The following OR8B8 variants were observed in gnomAD, a reference collection of about 807,000 sequenced individuals.
OR8B8 encodes the protein olfactory receptor 8B8.
Under a neutral mutation model 10.5 loss-of-function variants are expected in OR8B8, and 8 were observed. The observed-to-expected ratio is 0.76, with a 90% CI of 0.45 to 1.38. OR8B8 has a LOEUF of 1.38. OR8B8 is among the 40% of genes most tolerant of loss of function. The pLI is 0.00. For synonymous variants in OR8B8, 150 were observed against 145.2 expected (o/e 1.03, Z -0.24); for missense variants, 390 against 380.5 (o/e 1.03, Z -0.21).
intron 1 of OR8B8, among the ~76,000 whole-genome samples, chr11:124,443,383 G>C (rs1438452180): frequency 6.6e-6 from 1 of 152,154 alleles, no homozygotes; most frequent in African/African-American, 2.4e-5. Context: ...ATATGAGAGT[G>C]ACATGGTCAG....
At position 124,440,851 on chromosome 11, in the gene OR8B8, G is replaced by T; in HGVS notation, c.235C>A (p.Pro79Thr). The change falls in exon 3 of 3, where the codon CCC becomes ACC. Residue 79 changes from proline (P) to threonine (T), a missense_variant. Physicochemically the swap from Pro to Thr is conservative, Grantham distance 38. Coordinates refer to ENST00000642064, the MANE Select transcript of OR8B8 (RefSeq NM_012378.2). The stretch of plus-strand genomic sequence containing the variant: ...AAGACAAAGCTCATCAGCATTTTGG[G>T]AGTGATAACACTGGAATAGCAGAAA... ...IDFCYSSVITPKMLMSFVLKK... is the reference protein window; with the variant it reads ...IDFCYSSVITTKMLMSFVLKK... 1 of 1,614,070 alleles carries T rather than the reference G, an allele frequency of 6.2e-7. No homozygotes were observed. The highest frequency in any genetic ancestry group is 8.5e-7 in the Non-Finnish European group (1 of 1,179,924).
chr11:124,442,708 A>T (rs1199230884), intron 1 of OR8B8, among the ~76,000 whole-genome samples: 2 of 151,896 alleles, frequency 1.3e-5, no homozygotes, highest in African/African-American at 4.8e-5. Flanking sequence ...TTCCCACGGG[A>T]TATTTGCTTT....
rs150313828 is a variant in OR8B8 at position 124,445,268 on chromosome 11, G to T, written c.-153+308C>A. Among the ~76,000 whole-genome samples, 3 of 152,242 alleles carry T rather than the reference G, an allele frequency of 2.0e-5. No individual in the cohort carries two copies. In the East Asian group the frequency reaches 5.8e-4, roughly 29 times the overall value. ...AGCACACAGTCTACTACAACTTGCT[G>T]GGGACAATCCACATTCTTCACCCTC... is the stretch of plus-strand genomic sequence containing the variant. On this transcript the variant is annotated intron_variant, in intron 1 of 2. Transcript: ENST00000642064.
At position 124,440,585 on chromosome 11, in the gene OR8B8, G is replaced by A. The variant is rs753461212; in HGVS notation, c.501C>T (p.Thr167=). 3.7e-6 allele frequency: 6 copies of A among 1,614,170 alleles called. No homozygotes were observed. Among genetic ancestry groups the A allele is most frequent in the South Asian group, 2.2e-5 (2 of 91,076 alleles). ...MAHTACMMGV[T]FCANNLVNHY... ...GGTTGACAAGGTTATTGGCACAGAA[G>A]GTCACACCCATCATGCACGCTGTGT... The change falls in exon 3 of 3, where the codon ACC becomes ACT. Residue 167 remains threonine, a synonymous_variant. Transcript: ENST00000642064.
chr11:124,440,663 A>G lies in OR8B8; in HGVS notation c.423T>C (p.Cys141=), dbSNP rs1217724807. Reference sequence around the variant, plus strand: ...CATAGACACCCAACAAAAGGAGAAAACACACCTGGGGAGACATGGTGACCA... The same window carrying G: ...CATAGACACCCAACAAAAGGAGAAAGCACACCTGGGGAGACATGGTGACCA... ...LYMVTMSPQV[C]FLLLLGVYGM... is the part of the protein sequence containing the mutation. The change falls in exon 3 of 3, where the codon TGT becomes TGC. Residue 141 remains cysteine (C), a synonymous_variant. Coordinates refer to ENST00000642064, the MANE Select transcript of OR8B8 (RefSeq NM_012378.2). 6.2e-7 allele frequency: 1 copy of G among 1,614,114 alleles called. No individual in the cohort carries two copies. The highest frequency in any genetic ancestry group is 8.5e-7 in the Non-Finnish European group (1 of 1,180,022).
rs1055955771 is a variant in OR8B8, at chr11:124,438,789, G to A, written c.*1361C>T. 16 of 152,216 alleles carry A rather than the reference G, an allele frequency of 1.1e-4. No individual in the cohort carries two copies. Among genetic ancestry groups the A allele is most frequent in the Admixed American group, 2.0e-4 (3 of 15,286 alleles). The allele number at this position is 152,216 out of a possible 1,614,324, so 9.4% of individuals were successfully genotyped here. A position where few individuals can be genotyped will look rare whatever the true frequency, so the allele number is the denominator to read the frequency against. On this transcript the variant is annotated 3_prime_UTR_variant, in exon 3 of 3. Transcript: ENST00000642064. The stretch of plus-strand genomic sequence containing the variant: ...TTATCACTCCTTGGCATGAAGAGAC[G>A]AGGGAGGGGGCAGTTATTATAACCC...
chr11:124,441,168 C>A, intron 2 of OR8B8, 67 bp from the exon 3 acceptor site: 1 of 1,021,230 alleles, frequency 9.8e-7, no homozygotes, highest in African/African-American at 1.6e-5. Context: ...CCAGTCATCC[C>A]TCCTTCCTTC....
chr11:124,440,352 A>T lies in OR8B8; in HGVS notation c.734T>A (p.Ile245Lys). Residue 245 changes from isoleucine (I) to lysine (K), a missense_variant, in exon 3 of 3, where the codon ATA (isoleucine) becomes AAA (lysine). Coordinates refer to ENST00000642064, the MANE Select transcript of OR8B8 (RefSeq NM_012378.2). Reference sequence around the variant, plus strand: ...CCCAAAGAACAGAGAAACTGCAATTATGTGGGAGCTGCAGGTGCTGAAGGC... The same window carrying T: ...CCCAAAGAACAGAGAAACTGCAATTTTGTGGGAGCTGCAGGTGCTGAAGGC... Reference protein sequence around the residue: ...SKAFSTCSSHIIAVSLFFGSG... With the variant: ...SKAFSTCSSHKIAVSLFFGSG... 4.3e-6 allele frequency: 7 copies of T among 1,614,218 alleles called. No homozygotes were observed. Among genetic ancestry groups the T allele is most frequent in the Non-Finnish European group, 5.1e-6 (6 of 1,180,034 alleles).
rs140467802 is a variant in OR8B8, at chr11:124,440,374, A to T, written c.712T>A (p.Phe238Ile). 216 of 1,614,196 alleles carry T rather than the reference A, an allele frequency of 1.3e-4. No individual in the cohort carries two copies. The African/African-American group carries it at 2.4e-3, about 18-fold the overall frequency. ...ATTATGTGGGAGCTGCAGGTGCTGA[A>T]GGCTTTGGACCTGCCCTCCGTGGAA... ...IDSTEGRSKA[F>I]STCSSHIIAV... The change falls in exon 3 of 3, where the codon TTC becomes ATC. Residue 238 changes from phenylalanine (F) to isoleucine (I), a missense_variant. Coordinates refer to ENST00000642064, the MANE Select transcript of OR8B8 (RefSeq NM_012378.2).
Position 124,440,398 on chromosome 11 carries a change from A to G in OR8B8, c.688T>C (p.Ser230Pro). The part of the protein sequence containing the change: ...LILSSIFHID[S>P]TEGRSKAFST... ...AAGGCTTTGGACCTGCCCTCCGTGG[A>G]ATCAATGTGGAAGATGCTGGAGAGA... The change falls in exon 3 of 3, where the codon TCC becomes CCC. Residue 230 changes from serine (S) to proline (P), a missense_variant. Coordinates refer to ENST00000642064, the MANE Select transcript of OR8B8 (RefSeq NM_012378.2). The G allele has an allele frequency of 6.2e-7, 1 of 1,614,222 alleles. No homozygotes were observed.
At position 124,437,885 on chromosome 11, in the gene OR8B8, A is replaced by G. The variant is rs1861422790; in HGVS notation, c.*2265T>C. On this transcript the variant is annotated 3_prime_UTR_variant, in exon 3 of 3. Transcript: ENST00000642064. ...CTATAGCAAATGTATTATCTGGTCAATATATAAATAAATATATCTTGTAAA... is the reference window on the plus strand; with the variant it reads ...CTATAGCAAATGTATTATCTGGTCAGTATATAAATAAATATATCTTGTAAA... 1.3e-5 allele frequency: 2 copies of G among 152,302 alleles called. No homozygotes were observed. The highest frequency in any genetic ancestry group is 4.1e-4 in the South Asian group (2 of 4,826). The allele number at this position is 152,302 out of a possible 1,614,324, so 9.4% of individuals were successfully genotyped here. A position where few individuals can be genotyped will look rare whatever the true frequency, so the allele number is the denominator to read the frequency against.
Position 124,438,108 on chromosome 11 carries a change from A to C in OR8B8, c.*2042T>G, listed in dbSNP as rs1861424656. 1.3e-5 allele frequency: 2 copies of C among 152,064 alleles called. No individual in the cohort carries two copies. Among genetic ancestry groups the C allele is most frequent in the Admixed American group, 1.3e-4 (2 of 15,284 alleles). 9.4% of individuals were successfully genotyped at this position (152,064 alleles called of 1,614,324 possible). A position where few individuals can be genotyped will look rare whatever the true frequency, so the allele number is the denominator to read the frequency against. The stretch of plus-strand genomic sequence containing the variant: ...AATTCACTTAATACCTCTGAGAAAA[A>C]CGTTTTTAAAGATGAAGAAATTGAT... On this transcript the variant is annotated 3_prime_UTR_variant, in exon 3 of 3. Transcript: ENST00000642064.
intron 1 of OR8B8, among the ~76,000 whole-genome samples, chr11:124,443,324 C>T (rs932952222): frequency 2.0e-5 from 3 of 152,122 alleles, no homozygotes; most frequent in South Asian, 2.1e-4. Flanking sequence ...GAGACTTGAA[C>T]GTCATGACAG....
In OR8B8 at chr11:124,440,967, A is replaced by G. The variant is rs1365959729; in HGVS notation, c.119T>C (p.Val40Ala). 1 of 1,613,926 alleles carries G rather than the reference A, an allele frequency of 6.2e-7. No homozygotes were observed. Among genetic ancestry groups the G allele is most frequent in the African/African-American group, 1.3e-5 (1 of 74,884 alleles). ...LFLGFYVVTV[V>A]GNLGLITLIR... Reference sequence around the variant, plus strand: ...CAGGGTTATCAAGCCCAGGTTCCCCACCACAGTGACCACGTAGAAGCCTAG... The same window carrying G: ...CAGGGTTATCAAGCCCAGGTTCCCCGCCACAGTGACCACGTAGAAGCCTAG... Residue 40 changes from valine (V) to alanine (A), a missense_variant, in exon 3 of 3, where the codon GTG becomes GCG. Coordinates refer to ENST00000642064, the MANE Select transcript of OR8B8 (RefSeq NM_012378.2).
rs1042893243 is a variant in OR8B8, at chr11:124,438,777, G to C, written c.*1373C>G. 1 of 152,206 alleles carries C rather than the reference G, an allele frequency of 6.6e-6. No homozygotes were observed. The highest frequency in any genetic ancestry group is 1.5e-5 in the Non-Finnish European group (1 of 68,034). The allele number at this position is 152,206 out of a possible 1,614,324, so 9.4% of individuals were successfully genotyped here. On this transcript the variant is annotated 3_prime_UTR_variant, in exon 3 of 3. Coordinates refer to ENST00000642064, the MANE Select transcript of OR8B8 (RefSeq NM_012378.2). ...AGCAGGGAGACATTATCACTCCTTGGCATGAAGAGACGAGGGAGGGGGCAG... is the reference window on the plus strand; with the variant it reads ...AGCAGGGAGACATTATCACTCCTTGCCATGAAGAGACGAGGGAGGGGGCAG...
At chr11:124,444,630 A>T (rs758647866) in intron 1 of OR8B8, among the ~76,000 whole-genome samples, 6 of 152,196 alleles carry the variant, frequency 3.9e-5, no homozygotes, top group Non-Finnish European at 5.9e-5. Context: ...CAATCTCCTC[A>T]TCTATAAAAT....
rs1488747185 is a variant in OR8B8, at chr11:124,437,748, A to T, written c.*2402T>A. The T allele has an allele frequency of 6.6e-6, 1 of 151,714 alleles. No homozygotes were observed. Among genetic ancestry groups the T allele is most frequent in the East Asian group, 1.9e-4 (1 of 5,152 alleles). 9.4% of individuals were successfully genotyped at this position (151,714 alleles called of 1,614,324 possible). On this transcript the variant is annotated 3_prime_UTR_variant, in exon 3 of 3. Transcript: ENST00000642064. ...TCAGGACTCTTTTATAAGGACACTA[A>T]CCTCATTCATGAGGGCCCCACCCTC...
At position 124,439,838 on chromosome 11, in the gene OR8B8, G is replaced by A. The variant is rs538772664; in HGVS notation, c.*312C>T. Reference sequence around the variant, plus strand: ...AGGGAGGAAGAAAGTGAGCCATAATGAAAAGCAGCCAGTACTGGAAATAAA... The same window carrying A: ...AGGGAGGAAGAAAGTGAGCCATAATAAAAAGCAGCCAGTACTGGAAATAAA... On this transcript the variant is annotated 3_prime_UTR_variant, in exon 3 of 3. Transcript: ENST00000642064. 4.1e-6 allele frequency: 1 copy of A among 244,992 alleles called. No individual in the cohort carries two copies. Among genetic ancestry groups the A allele is most frequent in the African/African-American group, 2.2e-5 (1 of 45,016 alleles). The allele number at this position is 244,992 out of a possible 1,614,324, so 15.2% of individuals were successfully genotyped here. A position where few individuals can be genotyped will look rare whatever the true frequency, so the allele number is the denominator to read the frequency against.
chr11:124,438,489 C>G lies in OR8B8; in HGVS notation c.*1661G>C, dbSNP rs149019819. ...ACATATCATTGTTTCACAAAGAAATCTACTATTTATAATCTTTTTAAACTG... is the reference window on the plus strand; with the variant it reads ...ACATATCATTGTTTCACAAAGAAATGTACTATTTATAATCTTTTTAAACTG... On this transcript the variant is annotated 3_prime_UTR_variant, in exon 3 of 3. Transcript: ENST00000642064. 2 of 152,282 alleles carry G rather than the reference C, an allele frequency of 1.3e-5. No homozygotes were observed. Among genetic ancestry groups the G allele is most frequent in the African/African-American group, 4.8e-5 (2 of 41,564 alleles). 9.4% of individuals were successfully genotyped at this position (152,282 alleles called of 1,614,324 possible).
Sources: allele counts gnomAD v4.1 joint callset (sites outside exome capture counted in the v4.1 genomes callset), GRCh38; gene constraint gnomAD v4.1.1; transcripts MANE v1.5; gene names NCBI Gene and HGNC (gene_info 2026-07-23, HGNC 2026-07-21).